TMEM26: variants seen among roughly 807,000 people sequenced by gnomAD.
The protein encoded by TMEM26 is transmembrane protein 26.
In TMEM26, 38 loss-of-function variants were observed where a neutral mutation model predicts 28.8. That is an observed-to-expected ratio of 1.32 (90% confidence interval 1.02 to 1.73). The LOEUF (loss-of-function observed/expected upper bound fraction) is 1.73, where lower values mean the gene tolerates loss of function less well. TMEM26 is among the 40% of genes most tolerant of loss of function. The probability of loss-of-function intolerance (pLI) is 0.00; values close to 1 mark genes in which losing one functional copy is unlikely to be tolerated. For missense variants in TMEM26, 518 were observed against 447.1 expected, an observed-to-expected ratio of 1.16 and a Z score of -1.43; for synonymous variants, 227 against 182.9, an observed-to-expected ratio of 1.24 and a Z score of -1.95.
At chr10:61,413,397 G>A (rs1839599678) in intron 5 of TMEM26, 62 bp downstream of exon 5, 2 of 1,585,886 alleles carry the variant, frequency 1.3e-6, no homozygotes, top group Admixed American at 1.8e-5. Flanking sequence ...CTTAGTTTTA[G>A]CATAGTTAAT....
chr10:61,410,383 C>T lies in TMEM26; in HGVS notation c.1046G>A (p.Gly349Asp). ...QRDWQNESKE[G>D]LAIPLRGSPV... ...GGAGCCCCGCAAAGGAATAGCCAGGCCCTCCTTAGACTCGTTCTGCCAGTC... is the reference window on the plus strand; with the variant it reads ...GGAGCCCCGCAAAGGAATAGCCAGGTCCTCCTTAGACTCGTTCTGCCAGTC... The change falls in exon 6 of 6, where the codon GGC becomes GAC. Residue 349 changes from glycine (G) to aspartate (D), a missense_variant. Coordinates refer to ENST00000399298, the MANE Select transcript of TMEM26 (RefSeq NM_178505.8). 6.2e-7 allele frequency: 1 copy of T among 1,613,994 alleles called. No individual in the cohort carries two copies. Among genetic ancestry groups the T allele is most frequent in the Non-Finnish European group, 8.5e-7 (1 of 1,179,970 alleles).
intron 1 of TMEM26, among the ~76,000 whole-genome samples, chr10:61,444,173 T>C (rs1325797470): frequency 6.6e-6 from 1 of 152,240 alleles, no homozygotes; most frequent in Non-Finnish European, 1.5e-5. Context: ...ACTTAATTTG[T>C]GAAAATTTAT....
chr10:61,410,560 G>A lies in TMEM26; in HGVS notation c.869C>T (p.Ala290Val). The A allele has an allele frequency of 6.2e-7, 1 of 1,614,106 alleles. No homozygotes were observed. ...KVINQMLVFFAAKNFLVVVLQ... is the reference protein window; with the variant it reads ...KVINQMLVFFVAKNFLVVVLQ... ...CACCACCACGAGGAAGTTCTTCGCG[G>A]CAAAGAACACCAGCATCTGATTGAT... Residue 290 changes from alanine to valine, a missense_variant, in exon 6 of 6, where the codon GCC (alanine) becomes GTC (valine). Physicochemically the swap from Ala to Val is moderately conservative, Grantham distance 64. Transcript: ENST00000399298.
chr10:61,436,813 G>A (rs1840015861), intron 1 of TMEM26, among the ~76,000 whole-genome samples: 1 of 152,166 alleles, frequency 6.6e-6, no homozygotes, highest in Admixed American at 6.5e-5. Context: ...AACCAACGGT[G>A]TAAGCCTTTG....
At chr10:61,425,472 G>A (rs892119975) in intron 4 of TMEM26, among the ~76,000 whole-genome samples, 2 of 152,020 alleles carry the variant, frequency 1.3e-5, no homozygotes, top group South Asian at 2.1e-4. Context: ...TTAAAAACAC[G>A]TTTTTCAGAA....
At chr10:61,420,463 G>A (rs934246785) in intron 4 of TMEM26, among the ~76,000 whole-genome samples, 2 of 152,060 alleles carry the variant, frequency 1.3e-5, no homozygotes, top group Non-Finnish European at 2.9e-5. Flanking sequence ...TCAAACTCAT[G>A]TTATTCAAAG....
intron 2 of TMEM26, among the ~76,000 whole-genome samples, chr10:61,431,954 C>T (rs998001973): frequency 1.3e-5 from 2 of 151,946 alleles, no homozygotes; most frequent in African/African-American, 2.4e-5. Flanking sequence ...CAGTTTTTAG[C>T]TCCCACTTAT....
chr10:61,435,176 TC>T (rs1214463397), intron 2 of TMEM26, among the ~76,000 whole-genome samples: 1 of 152,158 alleles, frequency 6.6e-6, no homozygotes, highest in Non-Finnish European at 1.5e-5. Context: ...AATTAGGGAC[TC>T]TTATTGGAAG....
chr10:61,431,042 T>G (rs1245708366), intron 3 of TMEM26, among the ~76,000 whole-genome samples, 177 bp downstream of exon 3: 1 of 151,998 alleles, frequency 6.6e-6, no homozygotes, highest in Non-Finnish European at 1.5e-5. Flanking sequence ...TATATACTTA[T>G]GCATATTAAA....
At chr10:61,420,478 A>G (rs1459287649) in intron 4 of TMEM26, among the ~76,000 whole-genome samples, 6 of 152,182 alleles carry the variant, frequency 3.9e-5, no homozygotes, top group African/African-American at 1.4e-4. Flanking sequence ...TCAAAGGTCA[A>G]CTATAATGGC....
intron 1 of TMEM26, among the ~76,000 whole-genome samples, chr10:61,447,848 A>G (rs939013246): frequency 1.3e-5 from 2 of 151,458 alleles, no homozygotes; most frequent in African/African-American, 4.9e-5. Flanking sequence ...TCCCCTGCAC[A>G]CCCCCCTCAC....
At chr10:61,414,230 G>C (rs1839614780) in intron 4 of TMEM26, 1 of 210,072 alleles carries the variant, frequency 4.8e-6, no homozygotes. Context: ...TAGGAAAATG[G>C]TCATGAAGGC....
At position 61,410,570 on chromosome 10, in the gene TMEM26, C is replaced by T; in HGVS notation, c.859G>A (p.Val287Met). 6.2e-7 allele frequency: 1 copy of T among 1,614,098 alleles called. No homozygotes were observed. The highest frequency in any genetic ancestry group is 8.5e-7 in the Non-Finnish European group (1 of 1,180,024). The change falls in exon 6 of 6, where the codon GTG becomes ATG. Residue 287 changes from valine (V) to methionine (M), a missense_variant. Coordinates refer to ENST00000399298, the MANE Select transcript of TMEM26 (RefSeq NM_178505.8). ...AGGAAGTTCTTCGCGGCAAAGAACA[C>T]CAGCATCTGATTGATCACTTTGAAA... is the stretch of plus-strand genomic sequence containing the variant. ...TYFKVINQML[V>M]FFAAKNFLVV...
intron 2 of TMEM26, among the ~76,000 whole-genome samples, chr10:61,431,842 T>C (rs774364492): frequency 1.3e-5 from 2 of 151,996 alleles, no homozygotes; most frequent in African/African-American, 4.8e-5. Context: ...GTAGTGAGCA[T>C]AGTACCTGAT....
In TMEM26 at chr10:61,428,946, G is replaced by A; in HGVS notation, c.585C>T (p.Thr195=). ...AADILEFTSE[T]LEEQNVRNSP... ...CTCACCTCACATTTTGTTCTTCTAGGGTCTCACTTGTGAATTCCAGTATGT... is the reference window on the plus strand; with the variant it reads ...CTCACCTCACATTTTGTTCTTCTAGAGTCTCACTTGTGAATTCCAGTATGT... The change falls in exon 4 of 6, where the codon ACC becomes ACT. Residue 195 remains threonine, a synonymous_variant. Coordinates refer to ENST00000399298, the MANE Select transcript of TMEM26 (RefSeq NM_178505.8). 2 of 1,612,940 alleles carry A rather than the reference G, an allele frequency of 1.2e-6. No homozygotes were observed. The highest frequency in any genetic ancestry group is 1.1e-5 in the South Asian group (1 of 91,056).
chr10:61,426,009 C>T (rs369799708), intron 4 of TMEM26, among the ~76,000 whole-genome samples: 33 of 152,030 alleles, frequency 2.2e-4, no homozygotes, highest in African/African-American at 7.5e-4. Flanking sequence ...CAACATCATT[C>T]TTAATATGAA....
rs547141048 is a variant in TMEM26, at chr10:61,447,032, G to A, written c.191+5859C>T. ...GGTACACCTGTAGAATAAAACCTCA[G>A]ATACACTAAAAAGCTAAAGAGAGAT... On this transcript the variant is annotated intron_variant, in intron 1 of 5. Transcript: ENST00000399298. Among the ~76,000 whole-genome samples the A allele has an allele frequency of 9.3e-4, 141 of 152,154 alleles. 3 individuals are homozygous for A. In the South Asian group the frequency reaches 0.019, roughly 20 times the overall value.
intron 2 of TMEM26, among the ~76,000 whole-genome samples, chr10:61,434,709 T>C (rs1839975961): frequency 6.6e-6 from 1 of 152,214 alleles, no homozygotes; most frequent in Non-Finnish European, 1.5e-5. Flanking sequence ...AAATGTTTTA[T>C]TCATCCCTAC....
At chr10:61,421,879 C>G (rs937063183) in intron 4 of TMEM26, among the ~76,000 whole-genome samples, 4 of 152,008 alleles carry the variant, frequency 2.6e-5, no homozygotes, top group African/African-American at 9.7e-5. Context: ...CTGTACTTAA[C>G]TGGGGAGGAA....
Sources: allele counts gnomAD v4.1 joint callset (sites outside exome capture counted in the v4.1 genomes callset), GRCh38; gene constraint gnomAD v4.1.1; transcripts MANE v1.5; gene names NCBI Gene and HGNC (gene_info 2026-07-23, HGNC 2026-07-21).